The following CPSF3 variants were observed in gnomAD, a reference collection of about 807,000 sequenced individuals.
CPSF3 encodes cleavage and polyadenylation specific factor 3.
A neutral mutation model predicts 84.1 loss-of-function variants in CPSF3; 57 were observed. That is an observed-to-expected ratio of 0.68 (90% CI 0.55 to 0.85). The LOEUF (loss-of-function observed/expected upper bound fraction) is 0.85, where lower values mean the gene tolerates loss of function less well. Among genes scored for constraint, CPSF3 ranks in the 40% least tolerant of loss-of-function variants. The pLI, the probability that CPSF3 is intolerant of heterozygous loss-of-function variation, is 0.00. For synonymous variants in CPSF3, 275 were observed against 278.1 expected (o/e 0.99, Z 0.11); for missense variants, 522 against 838.8 (o/e 0.62, Z 4.66).
intron 10 of CPSF3, among the ~76,000 whole-genome samples, chr2:9,444,532 A>G (rs1271634106): frequency 1.3e-5 from 2 of 152,188 alleles, no homozygotes; most frequent in Non-Finnish European, 1.5e-5. Context: ...ATTTTTAATT[A>G]GAAGAACACT....
At chr2:9,439,335 T>C (rs943445228) in intron 7 of CPSF3, among the ~76,000 whole-genome samples, 3 of 152,066 alleles carry the variant, frequency 2.0e-5, no homozygotes, top group Admixed American at 6.6e-5. Flanking sequence ...TAGCCAGGCA[T>C]GGTGGCCAGC....
chr2:9,446,037 G>A (rs1681114075), intron 10 of CPSF3, among the ~76,000 whole-genome samples: 1 of 152,216 alleles, frequency 6.6e-6, no homozygotes, highest in South Asian at 2.1e-4. Context: ...GCTTAAATAA[G>A]CAGCAGCACC....
intron 11 of CPSF3, 105 bp downstream of exon 11, chr2:9,448,455 G>C: frequency 1.0e-6 from 1 of 970,750 alleles, no homozygotes; most frequent in Non-Finnish European, 1.5e-6. Flanking sequence ...GCTTATTTCT[G>C]TCTACTTGTT....
intron 15 of CPSF3, among the ~76,000 whole-genome samples, chr2:9,460,001 A>G (rs558705582): frequency 1.3e-5 from 2 of 152,234 alleles, no homozygotes; most frequent in South Asian, 4.1e-4. Flanking sequence ...ACTAAAAGGC[A>G]GTACATAGAC....
At chr2:9,443,957 C>G (rs1421791050) in intron 10 of CPSF3, among the ~76,000 whole-genome samples, 1 of 151,994 alleles carries the variant, frequency 6.6e-6, no homozygotes, top group African/African-American at 2.4e-5. Context: ...TATGACTGCT[C>G]ATTTGGAATG....
intron 15 of CPSF3, 80 bp from the exon 16 acceptor site, chr2:9,467,627 C>T (rs932562643): frequency 2.0e-6 from 2 of 1,023,616 alleles, no homozygotes; most frequent in Admixed American, 2.1e-5. Flanking sequence ...TATCAGTAAC[C>T]AGATTCTGAT....
At chr2:9,445,350 ATT>A (rs1199528083) in intron 10 of CPSF3, among the ~76,000 whole-genome samples, 1 of 152,186 alleles carries the variant, frequency 6.6e-6, no homozygotes, top group African/African-American at 2.4e-5. Context: ...TTGTTTATCC[ATT>A]CACCTGTGGG....
chr2:9,468,538 G>C (rs767305143), intron 16 of CPSF3, among the ~76,000 whole-genome samples: 2 of 151,104 alleles, frequency 1.3e-5, no homozygotes, highest in Non-Finnish European at 2.9e-5. Flanking sequence ...GTTTAACAAA[G>C]TAAGGTGGCC....
At chr2:9,442,275 C>T (rs1404173011) in intron 9 of CPSF3, among the ~76,000 whole-genome samples, 1 of 152,060 alleles carries the variant, frequency 6.6e-6, no homozygotes, top group East Asian at 1.9e-4. Context: ...GAATACTCTC[C>T]GTCCTCTCAT....
At chr2:9,443,331 A>G (rs191822035) in intron 9 of CPSF3, among the ~76,000 whole-genome samples, 184 bp from the exon 10 acceptor site, 41 of 152,300 alleles carry the variant, frequency 2.7e-4, no homozygotes, top group African/African-American at 9.1e-4. Flanking sequence ...TACTTTTCTC[A>G]TTAAATGTTT....
chr2:9,469,766 C>T (rs760457355), intron 16 of CPSF3, among the ~76,000 whole-genome samples: 1 of 152,168 alleles, frequency 6.6e-6, no homozygotes, highest in Admixed American at 6.5e-5. Flanking sequence ...CAAAGCCAAT[C>T]GTACCCTTAA....
chr2:9,446,182 G>A (rs1465156490), intron 10 of CPSF3, among the ~76,000 whole-genome samples: 2 of 152,206 alleles, frequency 1.3e-5, no homozygotes, highest in African/African-American at 4.8e-5. Flanking sequence ...TATCTTGGCC[G>A]GGCTGCAGTC....
intron 14 of CPSF3, among the ~76,000 whole-genome samples, chr2:9,457,901 C>T (rs1221766147): frequency 6.6e-6 from 1 of 152,072 alleles, no homozygotes; most frequent in African/African-American, 2.4e-5. Context: ...TATACAGGTG[C>T]ATGCCACCAT....
chr2:9,429,244 G>T (rs2148934103), intron 2 of CPSF3, among the ~76,000 whole-genome samples: 1 of 152,330 alleles, frequency 6.6e-6, no homozygotes, highest in Admixed American at 6.5e-5. Context: ...GGGGCTGCCG[G>T]CCTTGGCCAA....
chr2:9,452,648 C>A (rs1270800071), intron 11 of CPSF3, among the ~76,000 whole-genome samples: 1 of 152,200 alleles, frequency 6.6e-6, no homozygotes, highest in Non-Finnish European at 1.5e-5. Flanking sequence ...TAAGCCCCGG[C>A]ACCTAGTAAG....
intron 15 of CPSF3, 133 bp from the exon 16 acceptor site, chr2:9,467,574 C>T: frequency 1.9e-6 from 1 of 524,858 alleles, no homozygotes; most frequent in Non-Finnish European, 3.3e-6. Flanking sequence ...AATACAAATC[C>T]CTGCTTGTCA....
At chr2:9,467,639 A>C in intron 15 of CPSF3, 68 bp from the exon 16 acceptor site, 1 of 1,182,174 alleles carries the variant, frequency 8.5e-7, no homozygotes, top group Non-Finnish European at 1.2e-6. Context: ...GATTCTGATT[A>C]TTGATTTGGA....
intron 8 of CPSF3, among the ~76,000 whole-genome samples, chr2:9,441,035 G>A (rs1318159792): frequency 1.3e-5 from 2 of 152,174 alleles, no homozygotes; most frequent in African/African-American, 4.8e-5. Context: ...TGTGTTCTCA[G>A]TATTTATAAT....
At chr2:9,443,327 T>C (rs1224454114) in intron 9 of CPSF3, among the ~76,000 whole-genome samples, 188 bp from the exon 10 acceptor site, 1 of 152,232 alleles carries the variant, frequency 6.6e-6, no homozygotes. Context: ...TGTTTACTTT[T>C]CTCATTAAAT....
Sources: allele counts gnomAD v4.1 joint callset (sites outside exome capture counted in the v4.1 genomes callset), GRCh38; gene constraint gnomAD v4.1.1; transcripts MANE v1.5; gene names NCBI Gene and HGNC (gene_info 2026-07-23, HGNC 2026-07-21).